Variants in EIF2B2 observed in about 807,000 individuals in gnomAD.
The protein encoded by EIF2B2 is translation initiation factor eIF2B subunit beta.
A neutral mutation model predicts 34.7 loss-of-function variants in EIF2B2; 34 were observed. That is an observed-to-expected ratio of 0.98 (90% CI 0.75 to 1.31). EIF2B2 has a LOEUF of 1.31. Among genes scored for constraint, EIF2B2 ranks in the 50% most tolerant of loss-of-function variants. EIF2B2 has a pLI of 0.00. For missense variants in EIF2B2, 361 were observed against 447.7 expected, an observed-to-expected ratio of 0.81 and a Z score of 1.75; for synonymous variants, 155 against 171.6, an observed-to-expected ratio of 0.90 and a Z score of 0.76.
chr14:75,009,390 C>G lies in EIF2B2; in HGVS notation c.*202C>G. 1 of 616,794 alleles carries G rather than the reference C, an allele frequency of 1.6e-6. No homozygotes were observed. The highest frequency in any genetic ancestry group is 2.9e-6 in the Non-Finnish European group (1 of 345,322). 38.2% of individuals were successfully genotyped at this position (616,794 alleles called of 1,614,324 possible). ...CAGGACTGTGTCTTGCCTTTCAGAT[C>G]TTAACAGAGCAGCAGGGCTTAACTT... On this transcript the variant is annotated 3_prime_UTR_variant, in exon 8 of 8. Transcript: ENST00000266126.
rs374771844 is a variant in EIF2B2 at position 75,002,980 on chromosome 14, C to G, written c.-11C>G. The stretch of plus-strand genomic sequence containing the variant: ...TTCCGCCGGTGAAGGCTGAAGGCAG[C>G]TACCTTAAAGATGCCGGGATCCGCA... On this transcript the variant is annotated 5_prime_UTR_variant, in exon 1 of 8. Coordinates refer to ENST00000266126, the MANE Select transcript of EIF2B2 (RefSeq NM_014239.4). 32 of 1,613,836 alleles carry G rather than the reference C, an allele frequency of 2.0e-5. No individual in the cohort carries two copies. The African/African-American group carries it at 3.7e-4, about 19-fold the overall frequency.
At chr14:75,007,192 C>T (rs1196270803) in intron 6 of EIF2B2, 1 of 423,280 alleles carries the variant, frequency 2.4e-6, no homozygotes, top group Non-Finnish European at 4.7e-6. Flanking sequence ...GTGAAATTCA[C>T]ATAACATACA....
intron 1 of EIF2B2, 22 bp from the exon 2 acceptor site, chr14:75,003,253 T>C (rs1268037316): frequency 3.1e-6 from 5 of 1,613,476 alleles, no homozygotes; most frequent in Non-Finnish European, 4.2e-6. Flanking sequence ...GCTCCTCTTA[T>C]CCTCTCTCTT....
rs533396853 is a variant in EIF2B2, at chr14:75,011,864, A to G, written c.*2676A>G. The G allele has an allele frequency of 6.6e-6, 1 of 152,316 alleles. No homozygotes were observed. Among genetic ancestry groups the G allele is most frequent in the East Asian group, 1.9e-4 (1 of 5,188 alleles). The allele number at this position is 152,316 out of a possible 1,614,324, so 9.4% of individuals were successfully genotyped here. A position where few individuals can be genotyped will look rare whatever the true frequency, so the allele number is the denominator to read the frequency against. ...GAACTTAAATCTGTTCCTGGCTCCA[A>G]AAATGCTTTATGATACTTGTCCTTT... is the stretch of plus-strand genomic sequence containing the variant. On this transcript the variant is annotated 3_prime_UTR_variant, in exon 8 of 8. Coordinates refer to ENST00000266126, the MANE Select transcript of EIF2B2 (RefSeq NM_014239.4).
chr14:75,010,437 T>A lies in EIF2B2; in HGVS notation c.*1249T>A, dbSNP rs748849131. ...TTGACAGTTACACCGTGGAACATTA[T>A]ACATGGCAATAGAAGTTTCAAAAGG... On this transcript the variant is annotated 3_prime_UTR_variant, in exon 8 of 8. Coordinates refer to ENST00000266126, the MANE Select transcript of EIF2B2 (RefSeq NM_014239.4). The A allele has an allele frequency of 6.6e-6, 1 of 152,238 alleles. No individual in the cohort carries two copies. The highest frequency in any genetic ancestry group is 1.5e-5 in the Non-Finnish European group (1 of 68,046). 9.4% of individuals were successfully genotyped at this position (152,238 alleles called of 1,614,324 possible). A position where few individuals can be genotyped will look rare whatever the true frequency, so the allele number is the denominator to read the frequency against.
intron 3 of EIF2B2, 29 bp from the exon 4 acceptor site, chr14:75,004,708 T>C: frequency 1.0e-6 from 1 of 992,234 alleles, no homozygotes; most frequent in South Asian, 3.0e-5. Context: ...TTTTTTTTTT[T>C]TTTTTTTTTT....
In EIF2B2 at chr14:75,010,384, T is replaced by C. The variant is rs897209140; in HGVS notation, c.*1196T>C. 6.6e-6 allele frequency: 1 copy of C among 152,228 alleles called. No homozygotes were observed. The highest frequency in any genetic ancestry group is 2.4e-5 in the African/African-American group (1 of 41,464). 9.4% of individuals were successfully genotyped at this position (152,228 alleles called of 1,614,324 possible). On this transcript the variant is annotated 3_prime_UTR_variant, in exon 8 of 8. Transcript: ENST00000266126. ...AGTAGTTGTAATGTCATAGCCTAAG[T>C]GTCCAGCAATAGGAGAAAGGTTAAG...
At chr14:75,007,634 T>C in intron 6 of EIF2B2, 88 bp from the exon 7 acceptor site, 3 of 1,146,764 alleles carry the variant, frequency 2.6e-6, no homozygotes, top group Non-Finnish European at 3.9e-6. Context: ...ATAAGTTTTC[T>C]GTGTGGACAT....
rs1276572733 is a variant in EIF2B2 at position 75,012,214 on chromosome 14, A to G, written c.*3026A>G. 2.0e-5 allele frequency: 3 copies of G among 152,018 alleles called. No individual in the cohort carries two copies. The East Asian group carries it at 5.8e-4, about 29-fold the overall frequency. 9.4% of individuals were successfully genotyped at this position (152,018 alleles called of 1,614,324 possible). A position where few individuals can be genotyped will look rare whatever the true frequency, so the allele number is the denominator to read the frequency against. ...GTCAGCCTTGGTATCAGGGGTGCCCACCTCCCACCCCTGCCTTGCTGGCGG... is the reference window on the plus strand; with the variant it reads ...GTCAGCCTTGGTATCAGGGGTGCCCGCCTCCCACCCCTGCCTTGCTGGCGG... On this transcript the variant is annotated 3_prime_UTR_variant, in exon 8 of 8. Coordinates refer to ENST00000266126, the MANE Select transcript of EIF2B2 (RefSeq NM_014239.4).
At chr14:75,003,843 T>C (rs1889580329) in intron 3 of EIF2B2, 144 bp downstream of exon 3, 1 of 1,289,114 alleles carries the variant, frequency 7.8e-7, no homozygotes, top group Non-Finnish European at 1.1e-6. Flanking sequence ...GATTAGGAAA[T>C]GTTGCAACAG....
At chr14:75,008,995 T>TCAGTTTTA (rs1889665854) in intron 7 of EIF2B2, 36 bp from the exon 8 acceptor site, 1 of 1,613,590 alleles carries the variant, frequency 6.2e-7, no homozygotes, top group African/African-American at 1.3e-5. Flanking sequence ...AGAGGGAGCC[T>TCAGTTTTA]CAGTTTTACC....
At position 75,004,706 on chromosome 14, in the gene EIF2B2, TTTTTTTTTTTTTG is replaced by T. The variant is rs749527878; in HGVS notation, c.434-30_434-18del. 1.4e-6 allele frequency: 1 copy of T among 691,298 alleles called. No individual in the cohort carries two copies. The highest frequency in any genetic ancestry group is 1.8e-6 in the Non-Finnish European group (1 of 550,148). The allele number at this position is 691,298 out of a possible 1,614,324, so 42.8% of individuals were successfully genotyped here. A position where few individuals can be genotyped will look rare whatever the true frequency, so the allele number is the denominator to read the frequency against. On this transcript the variant is annotated intron_variant, in intron 3 of 7. Transcript: ENST00000266126. ...ATATATATATTTTTTTTTTTTTTTT[TTTTTTTTTTTTTG>T]CAAAACCGTTCTTACAGAAGGGACA... is the stretch of plus-strand genomic sequence containing the variant.
intron 6 of EIF2B2, 176 bp from the exon 7 acceptor site, chr14:75,007,546 C>G: frequency 3.6e-6 from 2 of 562,712 alleles, no homozygotes; most frequent in Non-Finnish European, 6.3e-6. Context: ...ATTTATTAAT[C>G]CATTCATCTG....
In EIF2B2 at chr14:75,003,375, T is replaced by G; in HGVS notation, c.264T>G (p.Ile88Met). 6.2e-7 allele frequency: 1 copy of G among 1,613,790 alleles called. No individual in the cohort carries two copies. Among genetic ancestry groups the G allele is most frequent in the Non-Finnish European group, 8.5e-7 (1 of 1,179,986 alleles). The part of the protein sequence containing the change: ...VGNMVRRVLK[I>M]IREEYGRLHG... The stretch of plus-strand genomic sequence containing the variant: ...ACATGGTGCGGAGAGTGCTCAAGAT[T>G]ATCCGGGAGGAGTATGGCAGGTCAG... The change falls in exon 2 of 8, where the codon ATT becomes ATG. Residue 88 changes from isoleucine (I) to methionine (M), a missense_variant. Coordinates refer to ENST00000266126, the MANE Select transcript of EIF2B2 (RefSeq NM_014239.4).
rs995463387 is a variant in EIF2B2 at position 75,006,065 on chromosome 14, G to C, written c.693+104G>C. 4.1e-6 allele frequency: 4 copies of C among 984,342 alleles called. No homozygotes were observed. The highest frequency in any genetic ancestry group is 3.2e-5 in the African/African-American group (2 of 62,662). 61.0% of individuals were successfully genotyped at this position (984,342 alleles called of 1,614,324 possible). A position where few individuals can be genotyped will look rare whatever the true frequency, so the allele number is the denominator to read the frequency against. On this transcript the variant is annotated intron_variant, in intron 5 of 7. Transcript: ENST00000266126. This position sits in a 1 kb window ranked among gnomAD's most constrained non-coding sequence, Gnocchi z 4.1. ...CCACGGTGAGAGAATAAAGTTTCTA[G>C]CACCTTTCAAAGTACATACTTAGGC...
In EIF2B2 at chr14:75,003,122, G is replaced by C. The variant is rs779106104; in HGVS notation, c.132G>C (p.Gln44His). Residue 44 changes from glutamine to histidine, a missense_variant, in exon 1 of 8, where the codon CAG becomes CAC. Coordinates refer to ENST00000266126, the MANE Select transcript of EIF2B2 (RefSeq NM_014239.4). ...MARETLGLLR[Q>H]IITDHRWSNA... is the part of the protein sequence containing the mutation. ...GGGAGACCCTAGGGTTGCTGCGCCAGATCATCACGGACCACCGCTGGAGCA... is the reference window on the plus strand; with the variant it reads ...GGGAGACCCTAGGGTTGCTGCGCCACATCATCACGGACCACCGCTGGAGCA... 6.2e-7 allele frequency: 1 copy of C among 1,613,548 alleles called. No homozygotes were observed. Among genetic ancestry groups the C allele is most frequent in the Non-Finnish European group, 8.5e-7 (1 of 1,179,970 alleles).
rs1235598582 is a variant in EIF2B2 at position 75,012,207 on chromosome 14, G to A, written c.*3019G>A. The A allele has an allele frequency of 2.6e-5, 4 of 151,914 alleles. No individual in the cohort carries two copies. Among genetic ancestry groups the A allele is most frequent in the African/African-American group, 4.8e-5 (2 of 41,338 alleles). 9.4% of individuals were successfully genotyped at this position (151,914 alleles called of 1,614,324 possible). A position where few individuals can be genotyped will look rare whatever the true frequency, so the allele number is the denominator to read the frequency against. On this transcript the variant is annotated 3_prime_UTR_variant, in exon 8 of 8. Coordinates refer to ENST00000266126, the MANE Select transcript of EIF2B2 (RefSeq NM_014239.4). ...ACTACCTGTCAGCCTTGGTATCAGGGGTGCCCACCTCCCACCCCTGCCTTG... is the reference window on the plus strand; with the variant it reads ...ACTACCTGTCAGCCTTGGTATCAGGAGTGCCCACCTCCCACCCCTGCCTTG...
chr14:75,004,763 C>G lies in EIF2B2; in HGVS notation c.460C>G (p.Gln154Glu). 1 of 1,560,508 alleles carries G rather than the reference C, an allele frequency of 6.4e-7. No homozygotes were observed. The highest frequency in any genetic ancestry group is 8.7e-7 in the Non-Finnish European group (1 of 1,154,810). Residue 154 changes from glutamine to glutamate, a missense_variant, in exon 4 of 8, where the codon CAG (glutamine) becomes GAG (glutamate). Transcript: ENST00000266126. ...LEGTMENIAA[Q>E]ALEHIHSNEV... ...AGGGACAATGGAGAACATTGCAGCC[C>G]AGGCTCTGGAGCACATTCACTCCAA...
intron 7 of EIF2B2, 24 bp downstream of exon 7, chr14:75,007,812 G>T (rs369592873): frequency 6.8e-6 from 11 of 1,610,440 alleles, no homozygotes; most frequent in Non-Finnish European, 9.3e-6. Flanking sequence ...GTGTGCATGC[G>T]TGCATGTGTT....
Sources: gnomAD v4.1 joint callset for allele counts on GRCh38, gnomAD v4.1.1 for gene constraint, Gnocchi (gnomAD v3.1) non-coding constraint, MANE v1.5 for transcripts, NCBI Gene and HGNC (gene_info 2026-07-23, HGNC 2026-07-21) for gene names.